The following LRRTM4 variants were observed in gnomAD, a reference collection of about 807,000 sequenced individuals.
LRRTM4 encodes the protein leucine-rich repeat transmembrane neuronal protein 4.
A neutral mutation model predicts 47.6 loss-of-function variants in LRRTM4; 25 were observed. The ratio of observed to expected loss-of-function variants is 0.53; its 90% CI spans 0.38 to 0.73. LRRTM4 has a LOEUF of 0.73. Among genes scored for constraint, LRRTM4 ranks in the 30% least tolerant of loss-of-function variants. LRRTM4 has a pLI of 0.00. For synonymous variants in LRRTM4, 311 were observed against 269.5 expected (o/e 1.15, Z -1.51); for missense variants, 638 against 713.4 (o/e 0.89, Z 1.20).
rs2104132185 is a variant in LRRTM4 at position 77,519,559 on chromosome 2, C to A, written c.310G>T (p.Ala104Ser). Residue 104 changes from alanine (A) to serine (S), a missense_variant, in exon 3 of 4, where the codon GCA (alanine) becomes TCA (serine). Ala to Ser is a moderately conservative substitution (Grantham distance 99). Coordinates refer to ENST00000409884, the MANE Select transcript of LRRTM4 (RefSeq NM_001134745.3). The surrounding 1 kb of genome is among the most constrained non-coding windows in gnomAD (Gnocchi z 4.6). ...TTCAGTCTACGGATCCCTTGAAATGCATCTTCATCCACTGAGCTAATGTAA... is the reference window on the plus strand; with the variant it reads ...TTCAGTCTACGGATCCCTTGAAATGAATCTTCATCCACTGAGCTAATGTAA... ...HNYISSVDED[A>S]FQGIRRLKEL... 1.2e-6 allele frequency: 2 copies of A among 1,613,464 alleles called. No homozygotes were observed. The highest frequency in any genetic ancestry group is 8.5e-7 in the Non-Finnish European group (1 of 1,179,646).
intron 3 of LRRTM4, among the ~76,000 whole-genome samples, chr2:77,019,930 C>G (rs570123547): frequency 4.0e-4 from 60 of 151,658 alleles, no homozygotes; most frequent in African/African-American, 1.4e-3. Flanking sequence ...AGTGGAGGCT[C>G]GAAAGGAAGC....
chr2:76,864,814 C>A (rs1318603314), intron 3 of LRRTM4, among the ~76,000 whole-genome samples: 1 of 148,080 alleles, frequency 6.8e-6, no homozygotes, highest in African/African-American at 2.5e-5. Context: ...GCAGCTTCAA[C>A]CTCCCGGGCT....
chr2:76,861,052 A>C (rs1672297466), intron 3 of LRRTM4, among the ~76,000 whole-genome samples: 1 of 152,064 alleles, frequency 6.6e-6, no homozygotes, highest in African/African-American at 2.4e-5. Flanking sequence ...TTCCCTTTTT[A>C]GAATCAAAAT....
chr2:77,046,941 T>C (rs1484169289), intron 3 of LRRTM4, among the ~76,000 whole-genome samples: 11 of 152,068 alleles, frequency 7.2e-5, no homozygotes. Context: ...GCAACTGTTT[T>C]GATTGCTAAC....
chr2:77,321,359 G>T (rs1369961692), intron 3 of LRRTM4, among the ~76,000 whole-genome samples: 7 of 151,808 alleles, frequency 4.6e-5, no homozygotes, highest in Non-Finnish European at 2.9e-5. Context: ...TAGAAACCTT[G>T]GTATATAAAT....
At chr2:77,486,230 G>T (rs1286646087) in intron 3 of LRRTM4, among the ~76,000 whole-genome samples, 1 of 152,108 alleles carries the variant, frequency 6.6e-6, no homozygotes, top group African/African-American at 2.4e-5. Context: ...AAATAGGGGT[G>T]GCAGTTGTTC....
At chr2:76,803,875 C>T (rs1675830732) in intron 3 of LRRTM4, among the ~76,000 whole-genome samples, 1 of 152,232 alleles carries the variant, frequency 6.6e-6, no homozygotes, top group South Asian at 2.1e-4. Context: ...CTGTGGAAGT[C>T]TGAAATTTGA....
intron 3 of LRRTM4, among the ~76,000 whole-genome samples, chr2:77,455,572 C>T (rs974123211): frequency 1.3e-5 from 2 of 151,980 alleles, no homozygotes; most frequent in Admixed American, 6.6e-5. Context: ...TTTTCATACC[C>T]TTTTTTCCTA....
chr2:76,951,584 T>G lies in LRRTM4; in HGVS notation c.1552-202668A>C, dbSNP rs1342148644. Among the ~76,000 whole-genome samples, 4 of 152,138 alleles carry G rather than the reference T, an allele frequency of 2.6e-5. No individual in the cohort carries two copies. In the East Asian group the frequency reaches 5.8e-4, roughly 22 times the overall value. On this transcript the variant is annotated intron_variant, in intron 3 of 3. Coordinates refer to ENST00000409884, the MANE Select transcript of LRRTM4 (RefSeq NM_001134745.3). ...AAAAATTTCAAGGTTTGTTTGACTA[T>G]AAGAAATTGCTGCTCAAACCTTCAG...
At chr2:76,959,776 A>T (rs1211071262) in intron 3 of LRRTM4, among the ~76,000 whole-genome samples, 7 of 151,704 alleles carry the variant, frequency 4.6e-5, no homozygotes, top group African/African-American at 7.3e-5. Flanking sequence ...AGTAGCAAAG[A>T]GTGGGTGTGA....
At chr2:77,215,597 T>C (rs994893048) in intron 3 of LRRTM4, among the ~76,000 whole-genome samples, 8 of 152,194 alleles carry the variant, frequency 5.3e-5, no homozygotes, top group Non-Finnish European at 1.0e-4. Flanking sequence ...CAAAAATATA[T>C]TGAAGACTTA....
In LRRTM4 at chr2:76,991,604, A is replaced by G. The variant is rs116168854; in HGVS notation, c.1552-242688T>C. Among the ~76,000 whole-genome samples the G allele has an allele frequency of 3.4e-3, 519 of 151,880 alleles. 1 individual carries two copies. The highest frequency in any genetic ancestry group is 0.01 in the African/African-American group (427 of 41,530). On this transcript the variant is annotated intron_variant, in intron 3 of 3. Transcript: ENST00000409884. ...GATACAGGAAGAAATTAAAGCCCTT[A>G]GCAGACTAATATTGAGTTCTGAAAT...
intron 3 of LRRTM4, among the ~76,000 whole-genome samples, chr2:77,171,026 T>C (rs1673034609): frequency 6.6e-6 from 1 of 151,624 alleles, no homozygotes; most frequent in African/African-American, 2.4e-5. Flanking sequence ...GCATAGCTAA[T>C]ATATACATAT....
intron 3 of LRRTM4, among the ~76,000 whole-genome samples, chr2:77,245,828 C>T (rs181666684): frequency 6.6e-6 from 1 of 152,256 alleles, no homozygotes; most frequent in African/African-American, 2.4e-5. Context: ...TGTAGAGATG[C>T]AATTTTAGAT....
intron 3 of LRRTM4, among the ~76,000 whole-genome samples, chr2:76,813,666 TTG>T (rs1670811573): frequency 6.6e-6 from 1 of 152,154 alleles, no homozygotes; most frequent in Non-Finnish European, 1.5e-5. Flanking sequence ...CTTTTGAGTT[TTG>T]TATTAGGACT....
chr2:77,288,227 AATAAT>A (rs1250522239), intron 3 of LRRTM4, among the ~76,000 whole-genome samples: 3 of 151,772 alleles, frequency 2.0e-5, no homozygotes, highest in Non-Finnish European at 2.9e-5. Context: ...AATTAGATAA[AATAAT>A]ATATTTATAA....
chr2:77,349,820 T>C (rs536890478), intron 3 of LRRTM4, among the ~76,000 whole-genome samples: 13 of 152,274 alleles, frequency 8.5e-5, no homozygotes, highest in African/African-American at 3.1e-4. Context: ...ATTTAGTACA[T>C]AAATAACAGA....
At chr2:77,040,794 T>C (rs1201205829) in intron 3 of LRRTM4, among the ~76,000 whole-genome samples, 1 of 151,374 alleles carries the variant, frequency 6.6e-6, no homozygotes, top group African/African-American at 2.4e-5. Flanking sequence ...AAGTTTTATT[T>C]TGTTTTTCAC....
chr2:76,896,131 GA>G (rs1369783074), intron 3 of LRRTM4, among the ~76,000 whole-genome samples: 7 of 151,878 alleles, frequency 4.6e-5, no homozygotes, highest in Non-Finnish European at 1.0e-4. Context: ...TTCCTTATGG[GA>G]AAATTTCATA....
Sources: allele counts gnomAD v4.1 joint callset (sites outside exome capture counted in the v4.1 genomes callset), GRCh38; gene constraint gnomAD v4.1.1; non-coding constraint Gnocchi (gnomAD v3.1); transcripts MANE v1.5; gene names NCBI Gene and HGNC (gene_info 2026-07-23, HGNC 2026-07-21).